The following MAP4 variants were observed in gnomAD, a reference collection of about 807,000 sequenced individuals.
MAP4 encodes the protein microtubule associated protein 4.
MAP4 carries 76 observed loss-of-function variants against 170.2 expected under a neutral mutation model. That is an observed-to-expected ratio of 0.45 (90% CI 0.37 to 0.54). MAP4 has a LOEUF of 0.54. MAP4 is among the 20% of genes least tolerant of loss of function. The pLI, the probability that MAP4 is intolerant of heterozygous loss-of-function variation, is 0.00. For missense variants in MAP4, 2,506 were observed against 2,748.0 expected (o/e 0.91, Z 1.97); for synonymous variants, 909 against 994.5 (o/e 0.91, Z 1.62).
At chr3:47,972,978 A>G in intron 3 of MAP4, 1 of 966,046 alleles carries the variant, frequency 1.0e-6, no homozygotes, top group Non-Finnish European at 1.2e-6. Context: ...GTGGGATTAG[A>G]AGCTATATTA....
intron 1 of MAP4, among the ~76,000 whole-genome samples, chr3:48,078,729 C>G (rs573542394): frequency 6.6e-6 from 1 of 152,078 alleles, no homozygotes. Context: ...ACTCACTACC[C>G]AAATTCAAAT....
chr3:47,951,812 T>C (rs1374484238), intron 3 of MAP4, among the ~76,000 whole-genome samples: 1 of 135,550 alleles, frequency 7.4e-6, no homozygotes. Context: ...TGGCCGCCCA[T>C]CGTCTGGGAT....
intron 1 of MAP4, among the ~76,000 whole-genome samples, chr3:48,062,913 G>T (rs2100136582): frequency 6.9e-6 from 1 of 145,680 alleles, no homozygotes; most frequent in South Asian, 2.1e-4. Context: ...CAACAAGAGT[G>T]AAACTCTGTC....
At chr3:47,869,448 G>A in intron 15 of MAP4, 121 bp from the exon 16 acceptor site, 1 of 680,028 alleles carries the variant, frequency 1.5e-6, no homozygotes, top group South Asian at 1.7e-5. Context: ...AAAGCAGGTG[G>A]CCTTTGATCC....
rs1285116631 is a variant in MAP4, at chr3:48,062,709, GGTTGGGAGTT to G, written c.-20+26054_-20+26063del. Among the ~76,000 whole-genome samples the G allele has an allele frequency of 7.9e-5, 12 of 151,586 alleles. 1 individual carries two copies. The South Asian group carries it at 2.5e-3, about 31-fold the overall frequency. On this transcript the variant is annotated intron_variant, in intron 1 of 18. Coordinates refer to the MAP4 transcript ENST00000360240. ...AGGCTGAGGCGGGCAGATCACCTGA[GGTTGGGAGTT>G]CGAGACCAGCCTGACCAACATGAAG... is the stretch of plus-strand genomic sequence containing the variant.
chr3:47,908,522 A>G (rs765775364), intron 9 of MAP4, among the ~76,000 whole-genome samples: 12 of 152,244 alleles, frequency 7.9e-5, no homozygotes, highest in Non-Finnish European at 1.5e-4. Context: ...TGAGGCCACC[A>G]TTTCCTCATA....
intron 1 of MAP4, chr3:48,088,704 G>A (rs990884527): frequency 6.6e-6 from 1 of 152,494 alleles, no homozygotes; most frequent in Non-Finnish European, 1.5e-5. Context: ...CGCAGGGCAA[G>A]GCTCGGGCAG....
At chr3:47,894,050 A>G (rs1364532283) in intron 10 of MAP4, among the ~76,000 whole-genome samples, 5 of 151,834 alleles carry the variant, frequency 3.3e-5, no homozygotes, top group African/African-American at 1.2e-4. Context: ...ACTCATGATG[A>G]TGAGTGGCAA....
chr3:48,079,987 C>T (rs945167445), intron 1 of MAP4, among the ~76,000 whole-genome samples: 2 of 151,796 alleles, frequency 1.3e-5, no homozygotes, highest in African/African-American at 4.8e-5. Context: ...TTTGTTGTAA[C>T]TTTGTCTTCT....
chr3:47,948,002 T>TC (rs1214754942), intron 3 of MAP4, among the ~76,000 whole-genome samples: 1 of 151,440 alleles, frequency 6.6e-6, no homozygotes, highest in East Asian at 1.9e-4. Context: ...ACCTATTCTT[T>TC]CTTTTTTTTT....
chr3:47,863,937 T>TTTGTGTGGGGGG (rs2074178356), intron 17 of MAP4, among the ~76,000 whole-genome samples: 1 of 138,356 alleles, frequency 7.2e-6, no homozygotes, highest in Non-Finnish European at 1.6e-5. Flanking sequence ...TGTGTGTGTG[T>TTTGTGTGGGGGG]GGGGAGTGGT....
chr3:47,925,554 G>A (rs1169354753), intron 4 of MAP4, among the ~76,000 whole-genome samples: 2 of 152,052 alleles, frequency 1.3e-5, no homozygotes, highest in African/African-American at 4.8e-5. Context: ...TGTCCATAAA[G>A]AAAGTACTGA....
Position 47,911,800 on chromosome 3 carries a change from T to C in MAP4, c.2621A>G (p.Lys874Arg). Residue 874 changes from lysine (K) to arginine (R), a missense_variant, in exon 9 of 21, where the codon AAG becomes AGG. Lys to Arg is a conservative substitution (Grantham distance 26). Around this residue, in one of 3 missense-constraint regions of MAP4, gnomAD observed 2,008 missense variants for 2,206.0 expected, o/e 0.91. Coordinates refer to ENST00000683076, the MANE Select transcript of MAP4 (RefSeq NM_001385682.1). The surrounding 1 kb of genome is among the most constrained non-coding windows in gnomAD (Gnocchi z 4.0). ...APKTAISSQS[K>R]LRVEEESKSN... ...TTTGCTCTCTTCCTCTACTCTCAGC[T>C]TAGACTGAGAACTTATTGCAGTTTT... 1.3e-6 allele frequency: 2 copies of C among 1,536,120 alleles called. No homozygotes were observed. The highest frequency in any genetic ancestry group is 1.7e-6 in the Non-Finnish European group (2 of 1,146,886).
chr3:47,856,349 A>C (rs763946442), intron 18 of MAP4, among the ~76,000 whole-genome samples: 3 of 152,244 alleles, frequency 2.0e-5, no homozygotes, highest in Non-Finnish European at 4.4e-5. Context: ...GATTTCCCAG[A>C]TAAAAGGGGA....
upstream of MAP4, among the ~76,000 whole-genome samples, chr3:48,018,580 T>C (rs1173076265): frequency 6.6e-6 from 1 of 151,658 alleles, no homozygotes; most frequent in Admixed American, 6.6e-5. Context: ...CTGAGGTGGG[T>C]GGATTATGAG....
intron 1 of MAP4, among the ~76,000 whole-genome samples, chr3:48,074,726 G>GTGTGTGTGTGTGTGTGTGTGAT (rs1003251844): frequency 6.8e-6 from 1 of 147,558 alleles, no homozygotes; most frequent in African/African-American, 2.5e-5. Flanking sequence ...GTGTGTGTGT[G>GTGTGTGTGTGTGTGTGTGTGAT]ATATGTCGGC....
chr3:47,853,398 G>C (rs1465329902), intron 19 of MAP4, 46 bp from the exon 20 acceptor site: 1 of 1,271,090 alleles, frequency 7.9e-7, no homozygotes, highest in East Asian at 2.5e-5. Flanking sequence ...AGTCGAGGGG[G>C]GGAGTGGGAT....
At chr3:47,934,068 T>A (rs1277209254) in intron 3 of MAP4, among the ~76,000 whole-genome samples, 1 of 152,196 alleles carries the variant, frequency 6.6e-6, no homozygotes, top group Middle Eastern at 3.2e-3. Flanking sequence ...ACATACTTGT[T>A]TTTAAACACT....
upstream of MAP4, among the ~76,000 whole-genome samples, chr3:48,019,978 G>A (rs2100109780): frequency 6.6e-6 from 1 of 152,204 alleles, no homozygotes; most frequent in Admixed American, 6.5e-5. Flanking sequence ...AGGTAGAAGA[G>A]GACATAGGAA....
Sources: allele counts gnomAD v4.1 joint callset (sites outside exome capture counted in the v4.1 genomes callset), GRCh38; gene constraint gnomAD v4.1.1; regional missense constraint gnomAD v4.1.1; non-coding constraint Gnocchi (gnomAD v3.1); transcripts MANE v1.5; gene names NCBI Gene and HGNC (gene_info 2026-07-23, HGNC 2026-07-21).